Variants in GMIP observed in about 807,000 individuals in gnomAD.
The protein encoded by GMIP is GEM interacting protein.
GMIP carries 54 observed loss-of-function variants against 105.3 expected under a neutral mutation model. That is an observed-to-expected ratio of 0.51 (90% CI 0.41 to 0.64). The LOEUF is 0.64. Among genes scored for constraint, GMIP ranks in the 30% least tolerant of loss-of-function variants. The pLI is 0.00. For missense variants in GMIP, 1,110 were observed against 1,319.4 expected (o/e 0.84, Z 2.46); for synonymous variants, 541 against 560.8 (o/e 0.96, Z 0.50).
Position 19,637,768 on chromosome 19 carries a change from G to A in GMIP, c.927+152C>T. ...CCAGGGGACAGGACCTCATGGGGCG[G>A]AGCCGAGACAGTGGGTCTGGGGGCG... On this transcript the variant is annotated intron_variant, in intron 10 of 20. Transcript: ENST00000203556. The surrounding 1 kb of genome is among the most constrained non-coding windows in gnomAD (Gnocchi z 6.7). 1.1e-6 allele frequency: 1 copy of A among 903,432 alleles called. No homozygotes were observed. The highest frequency in any genetic ancestry group is 1.7e-5 in the South Asian group (1 of 59,444). 56.0% of individuals were successfully genotyped at this position (903,432 alleles called of 1,614,324 possible).
chr19:19,636,867 G>C, intron 12 of GMIP, 50 bp downstream of exon 12: 1 of 1,541,496 alleles, frequency 6.5e-7, no homozygotes. Flanking sequence ...CCTATGTGTT[G>C]GTGGAACGAA....
intron 4 of GMIP, 71 bp downstream of exon 4, chr19:19,641,739 G>T: frequency 9.3e-7 from 1 of 1,070,448 alleles, no homozygotes; most frequent in South Asian, 1.3e-5. Flanking sequence ...ATGGAACAGG[G>T]GATCAGTGGT....
rs959022698 is a variant in GMIP, at chr19:19,638,587, C to G, written c.538-105G>C. ...CGCCATGTGCTTTGCCACCTCTGGA[C>G]TCTATTTTTTTTTTTTTCGAGACGG... On this transcript the variant is annotated intron_variant, in intron 7 of 20. Coordinates refer to ENST00000203556, the MANE Select transcript of GMIP (RefSeq NM_016573.4). 3 of 906,346 alleles carry G rather than the reference C, an allele frequency of 3.3e-6. No homozygotes were observed. In the African/African-American group the frequency reaches 5.1e-5, roughly 15 times the overall value. 56.1% of individuals were successfully genotyped at this position (906,346 alleles called of 1,614,324 possible). A position where few individuals can be genotyped will look rare whatever the true frequency, so the allele number is the denominator to read the frequency against.
At position 19,637,292 on chromosome 19, in the gene GMIP, C is replaced by T; in HGVS notation, c.1124+73G>A. The T allele has an allele frequency of 9.3e-7, 1 of 1,074,186 alleles. No homozygotes were observed. The highest frequency in any genetic ancestry group is 1.3e-6 in the Non-Finnish European group (1 of 745,114). The allele number at this position is 1,074,186 out of a possible 1,614,324, so 66.5% of individuals were successfully genotyped here. ...CTTTGCGTTCTCTAACCTCGAGTAA[C>T]CAGCCTGCGGTGCCAACAGCCTGGC... On this transcript the variant is annotated intron_variant, in intron 11 of 20. Transcript: ENST00000203556. This position sits in a 1 kb window ranked among gnomAD's most constrained non-coding sequence, Gnocchi z 6.7.
At position 19,637,419 on chromosome 19, in the gene GMIP, G is replaced by A. The variant is rs767894298; in HGVS notation, c.1070C>T (p.Pro357Leu). The change falls in exon 11 of 21, where the codon CCG becomes CTG. Residue 357 changes from proline (P) to leucine (L), a missense_variant. By Grantham distance (98) the Pro-to-Leu change is moderately conservative (BLOSUM62 -3). Coordinates refer to ENST00000203556, the MANE Select transcript of GMIP (RefSeq NM_016573.4). The surrounding 1 kb of genome is among the most constrained non-coding windows in gnomAD (Gnocchi z 6.7). ...GGAGAAGGCGGGCGGCGGGGGCGGCGGGGCCTCGGGCCGCAGCGCCCGTAC... is the reference window on the plus strand; with the variant it reads ...GGAGAAGGCGGGCGGCGGGGGCGGCAGGGCCTCGGGCCGCAGCGCCCGTAC... ...EFVRALRPEAPPPPPPAFSFQ... is the reference protein window; with the variant it reads ...EFVRALRPEALPPPPPAFSFQ... 4.0e-6 allele frequency: 6 copies of A among 1,491,604 alleles called. No individual in the cohort carries two copies. In the Admixed American group the frequency reaches 8.0e-5, roughly 20 times the overall value. 92.4% of individuals were successfully genotyped at this position (1,491,604 alleles called of 1,614,324 possible).
In GMIP at chr19:19,635,433, G is replaced by C; in HGVS notation, c.1542C>G (p.Ser514Arg). Residue 514 changes from serine (S) to arginine (R), a missense_variant, in exon 15 of 21, where the codon AGC becomes AGG. Coordinates refer to ENST00000203556, the MANE Select transcript of GMIP (RefSeq NM_016573.4). This position sits in a 1 kb window ranked among gnomAD's most constrained non-coding sequence, Gnocchi z 4.7. ...KCRECEAFMV[S>R]GTECEECFLT... ...GCCACACCTCCTCACACTCCGTCCC[G>C]CTGACCATGAAGGCTTCGCACTCGC... 1 of 1,609,372 alleles carries C rather than the reference G, an allele frequency of 6.2e-7. No individual in the cohort carries two copies. Among genetic ancestry groups the C allele is most frequent in the Non-Finnish European group, 8.5e-7 (1 of 1,179,858 alleles).
Position 19,637,146 on chromosome 19 carries a change from C to T in GMIP, c.1125-117G>A, listed in dbSNP as rs2061863556. The T allele has an allele frequency of 1.4e-6, 1 of 723,094 alleles. No individual in the cohort carries two copies. The highest frequency in any genetic ancestry group is 2.3e-6 in the Non-Finnish European group (1 of 429,582). 44.8% of individuals were successfully genotyped at this position (723,094 alleles called of 1,614,324 possible). A position where few individuals can be genotyped will look rare whatever the true frequency, so the allele number is the denominator to read the frequency against. ...ACTTGGGTCTGCAAACCCTGACACC[C>T]AGGGCATTGTGGCCCCTGAAATACA... On this transcript the variant is annotated intron_variant, in intron 11 of 20. Coordinates refer to ENST00000203556, the MANE Select transcript of GMIP (RefSeq NM_016573.4). This position sits in a 1 kb window ranked among gnomAD's most constrained non-coding sequence, Gnocchi z 6.7.
intron 19 of GMIP, among the ~76,000 whole-genome samples, chr19:19,632,648 G>C (rs916313174): frequency 6.6e-6 from 1 of 152,166 alleles, no homozygotes; most frequent in Non-Finnish European, 1.5e-5. Context: ...TACCTCTCAG[G>C]ACTGTGGAGA....
intron 2 of GMIP, 67 bp from the exon 3 acceptor site, chr19:19,642,118 A>G (rs2144877959): frequency 2.0e-6 from 2 of 1,022,452 alleles, no homozygotes; most frequent in South Asian, 2.9e-5. Flanking sequence ...GGTGCTGGGG[A>G]CCTTAGGGTT....
rs778266583 is a variant in GMIP at position 19,633,880 on chromosome 19, C to T, written c.2395G>A (p.Val799Ile). 34 of 1,343,776 alleles carry T rather than the reference C, an allele frequency of 2.5e-5. No homozygotes were observed. The African/African-American group carries it at 4.9e-4, about 19-fold the overall frequency. The allele number at this position is 1,343,776 out of a possible 1,614,324, so 83.2% of individuals were successfully genotyped here. ...PHLDPDSQPP[V>I]LASDPGPDPQ... ...TCTGGGCCGGGGTCTGAGGCTAGGA[C>T]TGGGGGCTGGGAGTCTGGGTCAAGG... The change falls in exon 19 of 21, where the codon GTC becomes ATC. Residue 799 changes from valine (V) to isoleucine (I), a missense_variant. Physicochemically the swap from Val to Ile is conservative, Grantham distance 29. Coordinates refer to ENST00000203556, the MANE Select transcript of GMIP (RefSeq NM_016573.4).
rs772564661 is a variant in GMIP at position 19,634,138 on chromosome 19, C to T, written c.2137G>A (p.Val713Met). ...NKMSANNLGI[V>M]FGPTLLRPPD... ...GGCCGCAGCAGTGTCGGCCCAAACACAATGCCCAGGTTGTTGGCAGACATC... is the reference window on the plus strand; with the variant it reads ...GGCCGCAGCAGTGTCGGCCCAAACATAATGCCCAGGTTGTTGGCAGACATC... The change falls in exon 19 of 21, where the codon GTG becomes ATG. Residue 713 changes from valine (V) to methionine (M), a missense_variant. Physicochemically the swap from Val to Met is conservative, Grantham distance 21 (BLOSUM62 1). This residue lies in a region of GMIP where 394 missense variants were observed against 450.5 expected (regional missense o/e 0.87). Coordinates refer to ENST00000203556, the MANE Select transcript of GMIP (RefSeq NM_016573.4). The surrounding 1 kb of genome is among the most constrained non-coding windows in gnomAD (Gnocchi z 6.1). 6.2e-7 allele frequency: 1 copy of T among 1,610,820 alleles called. No homozygotes were observed. Among genetic ancestry groups the T allele is most frequent in the Non-Finnish European group, 8.5e-7 (1 of 1,178,222 alleles).
intron 19 of GMIP, among the ~76,000 whole-genome samples, chr19:19,631,319 G>A (rs1406061747): frequency 6.6e-6 from 1 of 152,172 alleles, no homozygotes; most frequent in Non-Finnish European, 1.5e-5. Context: ...GCCAGCCCAG[G>A]GAGTGGCTCA....
rs764811565 is a variant in GMIP, at chr19:19,635,037, G to A, written c.1737C>T (p.Ala579=). ...TKCTAEIEHR[A]LDVQGIYRVS... ...GTCAGGGCAGCACCTGCACATCCAG[G>A]GCACGGTGTTCTATCTCAGCCGTGC... The change falls in exon 16 of 21, where the codon GCC becomes GCT. Residue 579 remains alanine (A), a synonymous_variant. Coordinates refer to ENST00000203556, the MANE Select transcript of GMIP (RefSeq NM_016573.4). This position sits in a 1 kb window ranked among gnomAD's most constrained non-coding sequence, Gnocchi z 4.7. 2 of 1,613,856 alleles carry A rather than the reference G, an allele frequency of 1.2e-6. No homozygotes were observed. Among genetic ancestry groups the A allele is most frequent in the South Asian group, 1.1e-5 (1 of 91,086 alleles).
chr19:19,638,539 G>GCC (rs2061883714), intron 7 of GMIP, 57 bp from the exon 8 acceptor site: 21 of 1,423,638 alleles, frequency 1.5e-5, no homozygotes, highest in Admixed American at 5.3e-5. Context: ...CCCAGAAGCA[G>GCC]CCACCCAGTC....
At chr19:19,633,524 A>G (rs2061817094) in intron 19 of GMIP, among the ~76,000 whole-genome samples, 1 of 152,202 alleles carries the variant, frequency 6.6e-6, no homozygotes, top group African/African-American at 2.4e-5. Flanking sequence ...TGCAATGCCT[A>G]CGACAATGCT....
chr19:19,631,058 G>A (rs576593959), intron 19 of GMIP, among the ~76,000 whole-genome samples: 9 of 151,826 alleles, frequency 5.9e-5, no homozygotes, highest in East Asian at 1.9e-4. Flanking sequence ...AAATTTAGCC[G>A]GGCGTGGTGG....
chr19:19,642,618 T>G lies in GMIP; in HGVS notation c.21A>C (p.Gly7=). The G allele has an allele frequency of 6.4e-7, 1 of 1,569,330 alleles. No individual in the cohort carries two copies. The highest frequency in any genetic ancestry group is 8.7e-7 in the Non-Finnish European group (1 of 1,144,244). MDAAEP[G]LPPGPEGRKR... is the part of the protein sequence containing the mutation. ...TCCTGCCCTCAGGACCTGGGGGGAG[T>G]CCTAGGGGAGGGGAGTGTAATACAT... Residue 7 remains glycine (G), a splice_region_variant and synonymous_variant, in exon 2 of 21, where the codon GGA becomes GGC. Transcript: ENST00000203556.
Position 19,635,946 on chromosome 19 carries a change from G to A in GMIP, c.1328-225C>T, listed in dbSNP as rs987518744. ...AGGCCGGGCGCAGTGGCTCACACCT[G>A]TAATCCCAGCACTTTGGGAAGCTGA... On this transcript the variant is annotated intron_variant, in intron 13 of 20. Transcript: ENST00000203556. This position sits in a 1 kb window ranked among gnomAD's most constrained non-coding sequence, Gnocchi z 4.7. Among the ~76,000 whole-genome samples the A allele has an allele frequency of 1.3e-5, 2 of 152,172 alleles. No individual in the cohort carries two copies. Among genetic ancestry groups the A allele is most frequent in the African/African-American group, 4.8e-5 (2 of 41,440 alleles).
In GMIP at chr19:19,637,474, A is replaced by C; in HGVS notation, c.1015T>G (p.Phe339Val). The part of the protein sequence containing the change: ...FAALAECCAP[F>V]EPGQRYQEFV... ...TCCTGGTAGCGCTGGCCCGGCTCAA[A>C]GGGCGCACAGCACTCGGCCAGGGCG... The change falls in exon 11 of 21, where the codon TTT (phenylalanine) becomes GTT (valine). Residue 339 changes from phenylalanine (F) to valine (V), a missense_variant. Coordinates refer to ENST00000203556, the MANE Select transcript of GMIP (RefSeq NM_016573.4). The surrounding 1 kb of genome is among the most constrained non-coding windows in gnomAD (Gnocchi z 6.7). The C allele has an allele frequency of 6.5e-7, 1 of 1,533,852 alleles. No homozygotes were observed. The highest frequency in any genetic ancestry group is 1.4e-5 in the African/African-American group (1 of 71,260).
Sources: allele counts gnomAD v4.1 joint callset (sites outside exome capture counted in the v4.1 genomes callset), GRCh38; gene constraint gnomAD v4.1.1; regional missense constraint gnomAD v4.1.1; non-coding constraint Gnocchi (gnomAD v3.1); transcripts MANE v1.5; gene names NCBI Gene and HGNC (gene_info 2026-07-23, HGNC 2026-07-21).